MYO16: variants seen among roughly 807,000 people sequenced by gnomAD.
MYO16 encodes unconventional myosin-XVI.
In MYO16, 94 loss-of-function variants were observed where a neutral mutation model predicts 205.3. The observed-to-expected ratio is 0.46, with a 90% CI of 0.39 to 0.54. MYO16 has a LOEUF of 0.54. MYO16 is among the 20% of genes least tolerant of loss of function. The pLI is 0.00. For missense variants in MYO16, 2,315 were observed against 2,387.5 expected, an observed-to-expected ratio of 0.97 and a Z score of 0.63; for synonymous variants, 988 against 954.0, an observed-to-expected ratio of 1.04 and a Z score of -0.66.
intron 1 of MYO16, among the ~76,000 whole-genome samples, chr13:108,659,098 C>T (rs1014889397): frequency 6.6e-6 from 1 of 150,510 alleles, no homozygotes; most frequent in South Asian, 2.1e-4. Context: ...TCACTTTACT[C>T]TTTATATTTC....
chr13:108,681,347 C>G (rs1423604906), intron 2 of MYO16, among the ~76,000 whole-genome samples: 1 of 152,214 alleles, frequency 6.6e-6, no homozygotes, highest in Non-Finnish European at 1.5e-5. Flanking sequence ...GCATGTGACT[C>G]GGTGCCTAAA....
chr13:108,739,124 A>C (rs1392400484), intron 4 of MYO16, among the ~76,000 whole-genome samples: 1 of 152,180 alleles, frequency 6.6e-6, no homozygotes, highest in Admixed American at 6.5e-5. Flanking sequence ...TGGAGCATTT[A>C]GTCCATTTAC....
intron 16 of MYO16, among the ~76,000 whole-genome samples, chr13:108,914,540 C>T (rs1022400435): frequency 3.3e-5 from 5 of 152,166 alleles, no homozygotes; most frequent in African/African-American, 9.7e-5. Context: ...TCACTAGATA[C>T]ATGAATCAAA....
intron 16 of MYO16, among the ~76,000 whole-genome samples, chr13:108,914,924 T>A (rs1881422364): frequency 6.6e-6 from 1 of 152,224 alleles, no homozygotes; most frequent in Non-Finnish European, 1.5e-5. Context: ...ATCACAAGCA[T>A]GAACCACTGC....
chr13:108,737,126 T>C (rs1346353509), intron 4 of MYO16, among the ~76,000 whole-genome samples: 4 of 152,164 alleles, frequency 2.6e-5, no homozygotes, highest in African/African-American at 9.7e-5. Flanking sequence ...GAATACCCTT[T>C]ATTTCTTTCT....
intron 20 of MYO16, among the ~76,000 whole-genome samples, chr13:108,973,041 G>A (rs1884115948): frequency 6.6e-6 from 1 of 152,054 alleles, no homozygotes; most frequent in South Asian, 2.1e-4. Context: ...TCTGGGAGCA[G>A]GTGGGAGAAT....
the MYO16 span, among the ~76,000 whole-genome samples, chr13:108,587,899 A>G: frequency 1.2e-3 from 182 of 152,318 alleles, no homozygotes; most frequent in African/African-American, 4.1e-3. Context: ...CAGAAAAGAC[A>G]AATATATCTG....
chr13:108,912,278 G>A (rs1594390279), intron 16 of MYO16, among the ~76,000 whole-genome samples: 1 of 152,236 alleles, frequency 6.6e-6, no homozygotes. Context: ...GACATCCAGG[G>A]CTATGGATAT....
intron 1 of MYO16, among the ~76,000 whole-genome samples, chr13:108,612,352 G>A (rs1045883200): frequency 3.3e-5 from 5 of 152,082 alleles, no homozygotes; most frequent in African/African-American, 1.2e-4. Context: ...TTGAATCAAA[G>A]TTTTACCAAA....
intron 3 of MYO16, among the ~76,000 whole-genome samples, chr13:108,721,090 G>A (rs1884145539): frequency 6.6e-6 from 1 of 152,130 alleles, no homozygotes; most frequent in African/African-American, 2.4e-5. Flanking sequence ...AATCAATAAT[G>A]TGCATTGTGT....
intron 3 of MYO16, among the ~76,000 whole-genome samples, chr13:108,724,236 T>C (rs1282504330): frequency 2.6e-5 from 4 of 152,344 alleles, no homozygotes; most frequent in Middle Eastern, 3.4e-3. Context: ...TAGATGATCA[T>C]GTCATATGCG....
chr13:108,967,513 C>G (rs1883840884), intron 20 of MYO16, among the ~76,000 whole-genome samples: 1 of 152,128 alleles, frequency 6.6e-6, no homozygotes, highest in Admixed American at 6.5e-5. Context: ...GTGTGGCTGC[C>G]TACTGGGGTG....
At chr13:108,531,764 A>G in the MYO16 span, among the ~76,000 whole-genome samples, 10 of 152,300 alleles carry the variant, frequency 6.6e-5, no homozygotes, top group South Asian at 1.9e-3. Flanking sequence ...ATTAATGAAT[A>G]TAAATATGGA....
At chr13:108,879,694 TC>T (rs1466870127) in intron 12 of MYO16, among the ~76,000 whole-genome samples, 1 of 152,216 alleles carries the variant, frequency 6.6e-6, no homozygotes. Flanking sequence ...CATGAACTCA[TC>T]CTTTTTTATG....
chr13:108,529,173 T>C, the MYO16 span, among the ~76,000 whole-genome samples: 2 of 151,186 alleles, frequency 1.3e-5, no homozygotes, highest in Non-Finnish European at 1.5e-5. Flanking sequence ...TTTCCTTATA[T>C]TTTTTATTGT....
chr13:109,176,404 C>T (rs948540571), intron 33 of MYO16, among the ~76,000 whole-genome samples: 2 of 151,358 alleles, frequency 1.3e-5, no homozygotes, highest in Admixed American at 6.6e-5. Context: ...TTTTAAAATA[C>T]ACATTTTATT....
intron 1 of MYO16, among the ~76,000 whole-genome samples, chr13:108,649,376 G>A (rs187479815): frequency 6.6e-6 from 1 of 152,272 alleles, no homozygotes; most frequent in Non-Finnish European, 1.5e-5. Flanking sequence ...AGTCCCGTGG[G>A]CAGTTGACTT....
intron 4 of MYO16, among the ~76,000 whole-genome samples, chr13:108,748,118 G>T (rs2024498289): frequency 2.6e-5 from 4 of 151,936 alleles, no homozygotes; most frequent in Admixed American, 2.0e-4. Flanking sequence ...CAATAAAACA[G>T]ACCTTAAAAA....
At chr13:108,735,646 G>A (rs1884671728) in intron 4 of MYO16, among the ~76,000 whole-genome samples, 1 of 150,862 alleles carries the variant, frequency 6.6e-6, no homozygotes, top group Non-Finnish European at 1.5e-5. Flanking sequence ...ATAGTCCTTT[G>A]GGTATATACC....
Sources: gnomAD v4.1 joint callset for allele counts (sites outside exome capture counted in the v4.1 genomes callset) on GRCh38, gnomAD v4.1.1 for gene constraint, MANE v1.5 for transcripts, NCBI Gene and HGNC (gene_info 2026-07-23, HGNC 2026-07-21) for gene names.